The following SMG6 variants were observed in gnomAD, a reference collection of about 807,000 sequenced individuals.
SMG6 encodes telomerase-binding protein EST1A.
Under a neutral mutation model 142.2 loss-of-function variants are expected in SMG6, and 66 were observed. The observed-to-expected ratio is 0.46, with a 90% CI of 0.38 to 0.57. The LOEUF is 0.57. Ranked by LOEUF, SMG6 falls within the 20% of genes least tolerant of loss-of-function variation. The pLI is 0.00. For synonymous variants in SMG6, 779 were observed against 702.4 expected (o/e 1.11, Z -1.72); for missense variants, 1,793 against 1,832.0 (o/e 0.98, Z 0.39).
Position 2,188,441 on chromosome 17 carries a change from G to C in SMG6, c.2944C>G (p.Leu982Val), listed in dbSNP as rs989671505. The change falls in exon 11 of 19, where the codon CTG (leucine) becomes GTG (valine). Residue 982 changes from leucine (L) to valine (V), a missense_variant. Physicochemically the swap from Leu to Val is conservative, Grantham distance 32. Around this residue, in one of 3 missense-constraint regions of SMG6, gnomAD observed 1,597 missense variants for 1,584.6 expected, o/e 1.01. Transcript: ENST00000263073. ...AGTAAGCAGGTGCAGCGGCGGACCA[G>C]TAGAGAAAACATGGCCAAGCCCAGA... Reference protein sequence around the residue: ...AALGLAMFSLLVRRCTCLLKE... With the variant: ...AALGLAMFSLVVRRCTCLLKE... 2 of 1,614,076 alleles carry C rather than the reference G, an allele frequency of 1.2e-6. No individual in the cohort carries two copies. Among genetic ancestry groups the C allele is most frequent in the African/African-American group, 2.7e-5 (2 of 74,924 alleles).
At chr17:2,202,811 G>A (rs755072970) in intron 10 of SMG6, among the ~76,000 whole-genome samples, 11 of 152,152 alleles carry the variant, frequency 7.2e-5, no homozygotes, top group East Asian at 3.8e-4. Context: ...GTAAACTTTC[G>A]TCATCAAGGT....
intron 10 of SMG6, among the ~76,000 whole-genome samples, chr17:2,223,750 C>T (rs78803203): frequency 1.3e-5 from 2 of 152,086 alleles, no homozygotes; most frequent in African/African-American, 4.8e-5. Context: ...ACACTGGACA[C>T]CTCTTGGAAA....
chr17:2,251,148 G>C (rs961248580), intron 8 of SMG6, among the ~76,000 whole-genome samples: 1 of 151,690 alleles, frequency 6.6e-6, no homozygotes, highest in Non-Finnish European at 1.5e-5. Flanking sequence ...AAAAAAATGA[G>C]GGAAGGGGGG....
At chr17:2,066,696 A>ACACACAC (rs1555529730) in intron 16 of SMG6, among the ~76,000 whole-genome samples, 2 of 43,824 alleles carry the variant, frequency 4.6e-5, no homozygotes, top group Non-Finnish European at 1.1e-4. Flanking sequence ...CACACACACA[A>ACACACAC]TGCCCATGCT....
intron 13 of SMG6, among the ~76,000 whole-genome samples, chr17:2,148,886 TA>T (rs2070745235): frequency 6.7e-6 from 1 of 149,124 alleles, no homozygotes; most frequent in Non-Finnish European, 1.5e-5. Context: ...AGAGAGAAAG[TA>T]AATAGAATGA....
In SMG6 at chr17:2,299,028, G is replaced by C. The variant is rs1567761415; in HGVS notation, c.1725C>G (p.Asn575Lys). ...GCCTGTGCAGCTCCTGTTGCTGCAG[G>C]TTCCTCATGTGCTGCTCTACCTCCT... is the stretch of plus-strand genomic sequence containing the variant. The part of the protein sequence containing the change: ...SPEEVEQHMR[N>K]LQQQELHRLL... Residue 575 changes from asparagine to lysine, a missense_variant, in exon 2 of 19, where the codon AAC (asparagine) becomes AAG (lysine). Physicochemically the swap from Asn to Lys is moderately conservative, Grantham distance 94. Coordinates refer to ENST00000263073, the MANE Select transcript of SMG6 (RefSeq NM_017575.5). The surrounding 1 kb of genome is among the most constrained non-coding windows in gnomAD (Gnocchi z 4.3). The C allele has an allele frequency of 4.3e-6, 7 of 1,614,204 alleles. No individual in the cohort carries two copies. In the South Asian group the frequency reaches 7.7e-5, roughly 18 times the overall value.
rs1491429098 is a variant in SMG6 at position 2,114,959 on chromosome 17, T to TAAAATAAAATAAAATAAAATAAAATAAA, written c.3358-29059_3358-29058insTTTATTTTATTTTATTTTATTTTATTTT. ...AATAAAATAAAATAAAATAAAAAAA[T>TAAAATAAAATAAAATAAAATAAAATAAA]GAAATGAAATGAAATAAAATAAAAT... On this transcript the variant is annotated intron_variant, in intron 13 of 18. Coordinates refer to ENST00000263073, the MANE Select transcript of SMG6 (RefSeq NM_017575.5). 7.2e-3 allele frequency among the ~76,000 whole-genome samples: 523 copies of TAAAATAAAATAAAATAAAATAAAATAAA among 72,854 alleles called. 18 individuals are homozygous for TAAAATAAAATAAAATAAAATAAAATAAA. The highest frequency in any genetic ancestry group is 0.016 in the Middle Eastern group (2 of 124). 47.8% of individuals were successfully genotyped at this position (72,854 alleles called of 152,430 possible).
chr17:2,065,794 C>G, intron 16 of SMG6, 115 bp from the exon 17 acceptor site: 1 of 867,690 alleles, frequency 1.2e-6, no homozygotes, highest in Non-Finnish European at 1.8e-6. Flanking sequence ...ATCCTTCCCC[C>G]ACAGGAGTCT....
chr17:2,258,945 G>GC (rs973309572), intron 8 of SMG6, among the ~76,000 whole-genome samples: 8 of 152,012 alleles, frequency 5.3e-5, no homozygotes, highest in African/African-American at 1.9e-4. Context: ...CGGTGTGGTG[G>GC]CATGTACCTG....
chr17:2,166,991 G>C (rs2071357745), intron 13 of SMG6, among the ~76,000 whole-genome samples: 1 of 151,910 alleles, frequency 6.6e-6, no homozygotes, highest in Admixed American at 6.6e-5. Flanking sequence ...AGCTACTTGT[G>C]GCAGCGCGTG....
intron 6 of SMG6, among the ~76,000 whole-genome samples, chr17:2,291,797 G>A (rs1415964441): frequency 5.6e-5 from 8 of 142,502 alleles, no homozygotes; most frequent in African/African-American, 2.1e-4. Flanking sequence ...ACCTAAGCCA[G>A]TAGTTTGCGT....
intron 10 of SMG6, among the ~76,000 whole-genome samples, chr17:2,209,299 G>A (rs1470322846): frequency 2.0e-5 from 3 of 152,142 alleles, no homozygotes; most frequent in Non-Finnish European, 4.4e-5. Flanking sequence ...TGCAACCTCT[G>A]TCTCCCGGGT....
At chr17:2,229,445 TTTC>T (rs1310126163) in intron 10 of SMG6, 2 of 152,194 alleles carry the variant, frequency 1.3e-5, no homozygotes, top group South Asian at 2.1e-4. Flanking sequence ...AGAGAAGCTT[TTTC>T]TTTTTTCTGA....
At chr17:2,179,826 C>T (rs929857707) in intron 12 of SMG6, among the ~76,000 whole-genome samples, 2 of 152,130 alleles carry the variant, frequency 1.3e-5, no homozygotes, top group African/African-American at 2.4e-5. Flanking sequence ...TCGGGGTCAG[C>T]GCAGTGTCAT....
At chr17:2,175,615 G>A (rs2071633309) in intron 12 of SMG6, among the ~76,000 whole-genome samples, 1 of 152,044 alleles carries the variant, frequency 6.6e-6, no homozygotes, top group Admixed American at 6.6e-5. Flanking sequence ...CACCCACCTT[G>A]TACCAAAACC....
chr17:2,196,513 C>T (rs1447383381), intron 10 of SMG6, among the ~76,000 whole-genome samples: 5 of 152,108 alleles, frequency 3.3e-5, no homozygotes, highest in Non-Finnish European at 7.3e-5. Context: ...TGTAGAGATG[C>T]CAGTTAATTG....
At chr17:2,205,663 A>G (rs367941631) in intron 10 of SMG6, among the ~76,000 whole-genome samples, 10 of 152,220 alleles carry the variant, frequency 6.6e-5, no homozygotes, top group South Asian at 2.1e-4. Context: ...AGGAATAAGT[A>G]TATCAATTCT....
At chr17:2,114,860 C>T (rs768139387) in intron 13 of SMG6, among the ~76,000 whole-genome samples, 72 of 143,428 alleles carry the variant, frequency 5.0e-4, no homozygotes, top group South Asian at 8.7e-4. Flanking sequence ...ATCCAGGAGG[C>T]GGAGGTTGTG....
At chr17:2,159,404 T>C (rs1250289410) in intron 13 of SMG6, among the ~76,000 whole-genome samples, 1 of 152,180 alleles carries the variant, frequency 6.6e-6, no homozygotes, top group Non-Finnish European at 1.5e-5. Flanking sequence ...CACTCCAGTG[T>C]GGGTGACAGC....
Sources: gnomAD v4.1 joint callset for allele counts (sites outside exome capture counted in the v4.1 genomes callset) on GRCh38, gnomAD v4.1.1 for gene constraint, gnomAD v4.1.1 regional missense constraint, Gnocchi (gnomAD v3.1) non-coding constraint, MANE v1.5 for transcripts, NCBI Gene and HGNC (gene_info 2026-07-23, HGNC 2026-07-21) for gene names.